Variants in TAMM41 observed in about 807,000 individuals in gnomAD.
The protein encoded by TAMM41 is TAM41 mitochondrial translocator assembly and maintenance homolog.
Under a neutral mutation model 44.1 loss-of-function variants are expected in TAMM41, and 36 were observed. The observed-to-expected ratio is 0.82, with a 90% CI of 0.63 to 1.08. The LOEUF is 1.08. Among genes scored for constraint, TAMM41 ranks in the 50% least tolerant of loss-of-function variants. The pLI, the probability that TAMM41 is intolerant of heterozygous loss-of-function variation, is 0.00. For synonymous variants in TAMM41, 164 were observed against 153.1 expected, an observed-to-expected ratio of 1.07 and a Z score of -0.53; for missense variants, 417 against 404.3, an observed-to-expected ratio of 1.03 and a Z score of -0.27.
intron 7 of TAMM41, among the ~76,000 whole-genome samples, chr3:11,800,178 C>T (rs2077713123): frequency 6.6e-6 from 1 of 151,810 alleles, no homozygotes; most frequent in African/African-American, 2.4e-5. Flanking sequence ...AACAATCTCA[C>T]AAAAGAGGAA....
At chr3:11,826,354 G>A (rs12635107) in intron 4 of TAMM41, among the ~76,000 whole-genome samples, 17,757 of 151,718 alleles carry the variant, frequency 0.12, 2,211 homozygotes, top group East Asian at 0.47. Context: ...AGCACACAGC[G>A]AGCCCCTGTC....
In TAMM41 at chr3:11,817,184, A is replaced by G. The variant is rs986459344; in HGVS notation, c.708+8T>C. 48 of 1,607,300 alleles carry G rather than the reference A, an allele frequency of 3.0e-5. No homozygotes were observed. Among genetic ancestry groups the G allele is most frequent in the Non-Finnish European group, 4.0e-5 (47 of 1,175,332 alleles). On this transcript the variant is annotated splice_region_variant and intron_variant, in intron 5 of 7. Coordinates refer to ENST00000455809, the MANE Select transcript of TAMM41 (RefSeq NM_001284401.2). The stretch of plus-strand genomic sequence containing the variant: ...AAACAATACAAGCTATTTTCCACAT[A>G]CAGTTACCTCCAGCCAGCCTTGCTG...
chr3:11,795,600 G>GT (rs1221904857), intron 7 of TAMM41, among the ~76,000 whole-genome samples: 2 of 152,068 alleles, frequency 1.3e-5, no homozygotes, highest in Non-Finnish European at 2.9e-5. Context: ...CAGTCCTATG[G>GT]TGACTTCCCT....
At chr3:11,743,253 G>A in the TAMM41 span, among the ~76,000 whole-genome samples, 1 of 151,824 alleles carries the variant, frequency 6.6e-6, no homozygotes, top group African/African-American at 2.4e-5. Flanking sequence ...CCTGTGGGGT[G>A]GTTTGGGCAT....
chr3:11,769,792 G>A, the TAMM41 span, among the ~76,000 whole-genome samples: 11 of 152,360 alleles, frequency 7.2e-5, no homozygotes, highest in Admixed American at 6.5e-5. Context: ...TCAGCCTCAA[G>A]AGGAGTCAGG....
downstream of TAMM41, chr3:11,790,438 A>G (rs994106897): frequency 3.6e-6 from 5 of 1,407,050 alleles, 1 homozygote; most frequent in Admixed American, 7.1e-5. Context: ...AGTAACAAAC[A>G]CTGTTCTGTC....
chr3:11,846,747 C>G lies in TAMM41; in HGVS notation c.-111G>C, dbSNP rs2079720011. On this transcript the variant is annotated 5_prime_UTR_variant, in exon 1 of 8. Coordinates refer to ENST00000455809, the MANE Select transcript of TAMM41 (RefSeq NM_001284401.2). ...GGGAAATGGAAGTCGGAGACTGGAT[C>G]GAGGGACACAAGGCTGAGTGTGGGG... 1 of 1,393,344 alleles carries G rather than the reference C, an allele frequency of 7.2e-7. No homozygotes were observed. Among genetic ancestry groups the G allele is most frequent in the East Asian group, 2.3e-5 (1 of 43,396 alleles). The allele number at this position is 1,393,344 out of a possible 1,614,324, so 86.3% of individuals were successfully genotyped here.
At position 11,829,705 on chromosome 3, in the gene TAMM41, C is replaced by T. The variant is rs1214492793; in HGVS notation, c.562+9G>A. 6.2e-7 allele frequency: 1 copy of T among 1,613,628 alleles called. No homozygotes were observed. The highest frequency in any genetic ancestry group is 1.3e-5 in the African/African-American group (1 of 74,878). ...CCTTGTAGAACATCTGGGCAGCAACCATACTAACCTGAATAGGAGAGACCG... is the reference window on the plus strand; with the variant it reads ...CCTTGTAGAACATCTGGGCAGCAACTATACTAACCTGAATAGGAGAGACCG... On this transcript the variant is annotated intron_variant, in intron 4 of 7. Coordinates refer to ENST00000455809, the MANE Select transcript of TAMM41 (RefSeq NM_001284401.2).
intron 7 of TAMM41, among the ~76,000 whole-genome samples, chr3:11,798,911 A>G (rs372877506): frequency 6.6e-6 from 1 of 152,280 alleles, no homozygotes; most frequent in African/African-American, 2.4e-5. Context: ...ATGCCTTAAT[A>G]TATCTTAAAA....
chr3:11,737,320 T>TATC, the TAMM41 span, among the ~76,000 whole-genome samples: 8 of 132,270 alleles, frequency 6.0e-5, no homozygotes, highest in East Asian at 2.3e-4. Flanking sequence ...TTATTATTAT[T>TATC]ATTATCATTA....
the TAMM41 span, among the ~76,000 whole-genome samples, chr3:11,729,843 G>A: frequency 6.6e-6 from 1 of 152,018 alleles, no homozygotes; most frequent in African/African-American, 2.4e-5. Context: ...GAAGGAGAAA[G>A]GAAGGACAAG....
At chr3:11,809,709 T>G in intron 5 of TAMM41, 27 bp from the exon 6 acceptor site, 2 of 1,585,718 alleles carry the variant, frequency 1.3e-6, no homozygotes, top group Non-Finnish European at 1.7e-6. Context: ...AAAGACGACG[T>G]CTATGGAAGT....
chr3:11,826,037 G>T (rs1303868301), intron 4 of TAMM41, among the ~76,000 whole-genome samples: 2 of 152,198 alleles, frequency 1.3e-5, no homozygotes, highest in South Asian at 4.1e-4. Flanking sequence ...CTTTCCCAAC[G>T]AAAGTAATCT....
intron 1 of TAMM41, chr3:11,845,022 T>A (rs1328921158): frequency 8.8e-6 from 4 of 455,938 alleles, no homozygotes; most frequent in Non-Finnish European, 8.8e-6. Context: ...CAGGGAAGGG[T>A]AGGGAGCCGT....
intron 4 of TAMM41, 63 bp from the exon 5 acceptor site, chr3:11,817,400 G>A (rs1193502777): frequency 7.8e-6 from 12 of 1,535,250 alleles, no homozygotes; most frequent in African/African-American, 4.1e-5. Context: ...ACCTATGAAC[G>A]ACGCTCCCCA....
the TAMM41 span, among the ~76,000 whole-genome samples, chr3:11,759,939 A>G: frequency 2.0e-4 from 31 of 151,552 alleles, no homozygotes; most frequent in Non-Finnish European, 4.3e-4. Context: ...GCGCCATTGC[A>G]CTCCAGCCTG....
In TAMM41 at chr3:11,823,825, C is replaced by T. The variant is rs542705958; in HGVS notation, c.562+5889G>A. ...ACAGGTCAGGTGTGTACCACCATGC[C>T]CGGCTTTTTTTTTTTTTTTGAGACA... On this transcript the variant is annotated intron_variant, in intron 4 of 7. Coordinates refer to ENST00000455809, the MANE Select transcript of TAMM41 (RefSeq NM_001284401.2). 6.2e-3 allele frequency among the ~76,000 whole-genome samples: 641 copies of T among 102,996 alleles called. 12 individuals carry two copies. Among genetic ancestry groups the T allele is most frequent in the African/African-American group, 0.025 (605 of 24,436 alleles). The allele number at this position is 102,996 out of a possible 152,430, so 67.6% of individuals were successfully genotyped here.
intron 4 of TAMM41, among the ~76,000 whole-genome samples, chr3:11,824,948 A>C (rs2078682435): frequency 6.6e-6 from 1 of 152,112 alleles, no homozygotes; most frequent in Non-Finnish European, 1.5e-5. Context: ...GATAAGCCAG[A>C]ACTGAGGCCC....
chr3:11,845,113 T>A (rs964225482), intron 1 of TAMM41: 2 of 397,534 alleles, frequency 5.0e-6, no homozygotes, highest in Non-Finnish European at 1.0e-5. Context: ...TAGAACACAT[T>A]TATGCGGTGG....
Sources: gnomAD v4.1 joint callset for allele counts (sites outside exome capture counted in the v4.1 genomes callset) on GRCh38, gnomAD v4.1.1 for gene constraint, MANE v1.5 for transcripts, NCBI Gene and HGNC (gene_info 2026-07-23, HGNC 2026-07-21) for gene names.